Variants in INO80 observed in about 807,000 individuals in gnomAD.
INO80 encodes the protein INO80 complex ATPase subunit, also known as chromatin-remodeling ATPase INO80.
Under a neutral mutation model 203.4 loss-of-function variants are expected in INO80, and 20 were observed. The observed-to-expected ratio is 0.10, with a 90% confidence interval of 0.07 to 0.14. The LOEUF (loss-of-function observed/expected upper bound fraction) is 0.14. INO80 is among the 10% of genes least tolerant of loss of function. The pLI, the probability that INO80 is intolerant of heterozygous loss-of-function variation, is 1.00. For missense variants in INO80, 1,419 were observed against 1,914.4 expected, an observed-to-expected ratio of 0.74 and a Z score of 4.83; for synonymous variants, 726 against 685.2, an observed-to-expected ratio of 1.06 and a Z score of -0.93.
intron 29 of INO80, among the ~76,000 whole-genome samples, chr15:40,994,791 C>A (rs1441905521): frequency 6.6e-6 from 1 of 152,160 alleles, no homozygotes; most frequent in African/African-American, 2.4e-5. Flanking sequence ...ATTCCCAGTG[C>A]CTAAAACAAC....
At chr15:41,065,071 C>T (rs2045185791) in intron 14 of INO80, among the ~76,000 whole-genome samples, 1 of 152,106 alleles carries the variant, frequency 6.6e-6, no homozygotes, top group South Asian at 2.1e-4. Flanking sequence ...TTGTATGTCA[C>T]ATTCTATGAA....
At chr15:40,998,155 G>A (rs555243868) in intron 28 of INO80, among the ~76,000 whole-genome samples, 35 of 151,740 alleles carry the variant, frequency 2.3e-4, no homozygotes, top group African/African-American at 7.5e-4. Context: ...CCAAGTAGCT[G>A]GGACTATAGG....
intron 27 of INO80, chr15:41,011,671 T>C (rs1294657579): frequency 6.6e-6 from 1 of 152,140 alleles, no homozygotes; most frequent in Non-Finnish European, 1.5e-5. Flanking sequence ...CAATTTGCTT[T>C]TCATTCCATG....
intron 1 of INO80, among the ~76,000 whole-genome samples, chr15:41,110,258 C>A (rs923073691): frequency 6.7e-6 from 1 of 150,328 alleles, no homozygotes; most frequent in African/African-American, 2.4e-5. Context: ...TATTCTACTG[C>A]CTCAGCCTCC....
chr15:41,042,565 C>A (rs1179623672), intron 24 of INO80, among the ~76,000 whole-genome samples: 1 of 152,092 alleles, frequency 6.6e-6, no homozygotes, highest in Non-Finnish European at 1.5e-5. Flanking sequence ...CCTCAGCCTC[C>A]CGTGTTCAAG....
chr15:40,983,880 C>T lies in INO80; in HGVS notation c.4119G>A (p.Leu1373=). The change falls in exon 34 of 36, where the codon CTG becomes CTA. Residue 1373 remains leucine, a synonymous_variant. Transcript: ENST00000648947. ...SSELHTGSIP[L]DESSSDMLVI... ...CCAGCATGTCACTGCTGCTCTCGTC[C>T]AGGGGAATGGAGCCAGTGTGCAGCT... 1 of 1,613,628 alleles carries T rather than the reference C, an allele frequency of 6.2e-7. No homozygotes were observed. The highest frequency in any genetic ancestry group is 8.5e-7 in the Non-Finnish European group (1 of 1,180,000).
At chr15:41,050,568 C>T (rs1258728622) in intron 19 of INO80, among the ~76,000 whole-genome samples, 1 of 152,144 alleles carries the variant, frequency 6.6e-6, no homozygotes, top group East Asian at 1.9e-4. Context: ...TCTGAATGCT[C>T]TCTCACACCT....
rs558919930 is a variant in INO80 at position 41,103,713 on chromosome 15, C to T, written c.-43-7360G>A. On this transcript the variant is annotated intron_variant, in intron 1 of 35. Coordinates refer to ENST00000648947, the MANE Select transcript of INO80 (RefSeq NM_017553.3). ...GCCCAAATTCATCATTCTGATTATG[C>T]CATTAGTTCCTCAATAGTTTTCCAA... Among the ~76,000 whole-genome samples the T allele has an allele frequency of 2.0e-4, 30 of 152,166 alleles. No individual in the cohort carries two copies. In the South Asian group the frequency reaches 5.8e-3, roughly 29 times the overall value.
intron 1 of INO80, among the ~76,000 whole-genome samples, chr15:41,113,865 T>C (rs2045990304): frequency 6.6e-6 from 1 of 152,264 alleles, no homozygotes; most frequent in African/African-American, 2.4e-5. Flanking sequence ...CTCACTACAA[T>C]TATTTCCTAT....
At chr15:41,060,098 GAC>G (rs1026758518) in intron 14 of INO80, among the ~76,000 whole-genome samples, 172 bp from the exon 15 acceptor site, 5 of 152,164 alleles carry the variant, frequency 3.3e-5, no homozygotes, top group African/African-American at 1.2e-4. Context: ...CAAATAGAAA[GAC>G]ACACACACAA....
At chr15:41,096,678 AC>A (rs2045729127) in intron 1 of INO80, among the ~76,000 whole-genome samples, 1 of 151,254 alleles carries the variant, frequency 6.6e-6, no homozygotes, top group Admixed American at 6.6e-5. Context: ...ATTACCCAAA[AC>A]TATGAATAAA....
chr15:41,046,545 A>G (rs1164135117), intron 23 of INO80, among the ~76,000 whole-genome samples: 4 of 151,272 alleles, frequency 2.6e-5, no homozygotes. Context: ...TATATTATGA[A>G]GCATCATACA....
intron 1 of INO80, among the ~76,000 whole-genome samples, chr15:41,112,998 C>A (rs552639537): frequency 6.6e-6 from 1 of 151,606 alleles, no homozygotes; most frequent in South Asian, 2.1e-4. Context: ...TCACTGCAAT[C>A]TCTGCCTCCT....
intron 35 of INO80, among the ~76,000 whole-genome samples, 172 bp from the exon 36 acceptor site, chr15:40,980,612 G>A (rs1893791258): frequency 6.6e-6 from 1 of 152,152 alleles, no homozygotes; most frequent in Admixed American, 6.5e-5. Flanking sequence ...CCTGTCAACT[G>A]TCTTTTCAGT....
intron 7 of INO80, among the ~76,000 whole-genome samples, chr15:41,083,126 CAA>C (rs947110087): frequency 6.7e-6 from 1 of 149,818 alleles, no homozygotes; most frequent in Non-Finnish European, 1.5e-5. Flanking sequence ...ACTAAAAATA[CAA>C]AAAAAAATTA....
chr15:41,016,249 T>C (rs919561099), intron 26 of INO80, 34 bp from the exon 27 acceptor site: 2 of 1,602,944 alleles, frequency 1.2e-6, no homozygotes, highest in Non-Finnish European at 1.7e-6. Flanking sequence ...GGGGGAACTG[T>C]ATTTAATTGA....
At chr15:41,104,488 T>C (rs1474439345) in intron 1 of INO80, among the ~76,000 whole-genome samples, 1 of 152,102 alleles carries the variant, frequency 6.6e-6, no homozygotes, top group Non-Finnish European at 1.5e-5. Flanking sequence ...TCATGAGTAA[T>C]CCTGGGCTGA....
intron 6 of INO80, 37 bp from the exon 7 acceptor site, chr15:41,085,620 C>T (rs775105839): frequency 1.3e-6 from 2 of 1,556,556 alleles, no homozygotes; most frequent in Non-Finnish European, 1.8e-6. Flanking sequence ...TGCACTTCCA[C>T]AGGAGATAGT....
At position 40,982,842 on chromosome 15, in the gene INO80, G is replaced by T; in HGVS notation, c.4453+20C>A. On this transcript the variant is annotated intron_variant, in intron 35 of 35. Coordinates refer to ENST00000648947, the MANE Select transcript of INO80 (RefSeq NM_017553.3). ...GTCTCTGACCAGAACAAAGTCTGCA[G>T]CCACCCTGGGCTTCTGTACCTTTAG... The T allele has an allele frequency of 1.3e-6, 2 of 1,591,170 alleles. No homozygotes were observed. The highest frequency in any genetic ancestry group is 8.6e-7 in the Non-Finnish European group (1 of 1,162,398).
Sources: allele counts gnomAD v4.1 joint callset (sites outside exome capture counted in the v4.1 genomes callset), GRCh38; gene constraint gnomAD v4.1.1; transcripts MANE v1.5; gene names NCBI Gene and HGNC (gene_info 2026-07-23, HGNC 2026-07-21).